Variants in EXD1 observed in about 807,000 individuals in gnomAD.
EXD1 encodes exonuclease 3'-5' domain containing 1.
A neutral mutation model predicts 49.1 loss-of-function variants in EXD1; 63 were observed. That is an observed-to-expected ratio of 1.28 (90% confidence interval 1.05 to 1.58). The LOEUF is 1.58. Ranked by LOEUF, EXD1 falls within the 40% of genes most tolerant of loss-of-function variation. EXD1 has a pLI of 0.00. For missense variants in EXD1, 748 were observed against 666.0 expected, an observed-to-expected ratio of 1.12 and a Z score of -1.36; for synonymous variants, 234 against 239.2, an observed-to-expected ratio of 0.98 and a Z score of 0.20.
intron 7 of EXD1, among the ~76,000 whole-genome samples, chr15:41,204,353 C>A (rs2046789118): frequency 6.6e-6 from 1 of 151,720 alleles, no homozygotes; most frequent in Admixed American, 6.6e-5. Flanking sequence ...GAGTTCAAGA[C>A]CAGCCTGGCC....
chr15:41,223,586 GCA>G (rs931846830), intron 2 of EXD1, among the ~76,000 whole-genome samples: 2 of 151,922 alleles, frequency 1.3e-5, no homozygotes. Flanking sequence ...AATAGGCCTG[GCA>G]CATTGGCTCA....
At chr15:41,199,741 C>G (rs12902166) in intron 7 of EXD1, among the ~76,000 whole-genome samples, 13,413 of 32,620 alleles carry the variant, frequency 0.41, 2,132 homozygotes, top group East Asian at 0.61. Context: ...ATATATATGT[C>G]ATATATTATA....
intron 1 of EXD1, among the ~76,000 whole-genome samples, chr15:41,229,423 C>T (rs1168142087): frequency 2.0e-5 from 3 of 151,630 alleles, no homozygotes; most frequent in Admixed American, 1.3e-4. Flanking sequence ...TGCAGTGAGC[C>T]GAAAATGCAC....
At chr15:41,226,815 A>AT (rs1334870065) in intron 1 of EXD1, among the ~76,000 whole-genome samples, 187 bp from the exon 2 acceptor site, 1 of 152,222 alleles carries the variant, frequency 6.6e-6, no homozygotes, top group African/African-American at 2.4e-5. Context: ...ACTGAAAACT[A>AT]TAAGAAATTG....
rs59054803 is a variant in EXD1 at position 41,192,594 on chromosome 15, A to ATTTTTTTTTTTTTTTTTTTTTTTTTTT, written c.721-1036_721-1010dup. 2.0e-4 allele frequency among the ~76,000 whole-genome samples: 8 copies of ATTTTTTTTTTTTTTTTTTTTTTTTTTT among 40,838 alleles called. 4 individuals carry two copies. Among genetic ancestry groups the ATTTTTTTTTTTTTTTTTTTTTTTTTTT allele is most frequent in the Non-Finnish European group, 1.1e-4 (2 of 18,058 alleles). 26.8% of individuals were successfully genotyped at this position (40,838 alleles called of 152,430 possible). Reference sequence around the variant, plus strand: ...ACAGGCGTGAACCACTGCGCCAGGCATTTTTTTTTTTTTTTTTTTTTTTTT... The same window carrying ATTTTTTTTTTTTTTTTTTTTTTTTTTT: ...ACAGGCGTGAACCACTGCGCCAGGCATTTTTTTTTTTTTTTTTTTTTTTTTTTTTTTTTTTTTTTTTTTTTTTTTTTT... On this transcript the variant is annotated intron_variant, in intron 9 of 11. Coordinates refer to ENST00000458580, the MANE Select transcript of EXD1 (RefSeq NM_001286441.2).
At chr15:41,199,108 C>T (rs570660924) in intron 7 of EXD1, among the ~76,000 whole-genome samples, 6 of 152,138 alleles carry the variant, frequency 3.9e-5, no homozygotes, top group African/African-American at 1.4e-4. Context: ...TACAGGTGCA[C>T]GCCAACACAC....
At position 41,226,471 on chromosome 15, in the gene EXD1, G is replaced by A. The variant is rs1317685657; in HGVS notation, c.105C>T (p.Asp35=). 1 of 1,535,974 alleles carries A rather than the reference G, an allele frequency of 6.5e-7. No individual in the cohort carries two copies. The highest frequency in any genetic ancestry group is 2.0e-5 in the Admixed American group (1 of 50,952). The change falls in exon 2 of 12, where the codon GAC becomes GAT. Residue 35 remains aspartate, a synonymous_variant. Coordinates refer to ENST00000458580, the MANE Select transcript of EXD1 (RefSeq NM_001286441.2). ...GVFEGVLQHV[D]PNKIVVLKKV... is the part of the protein sequence containing the mutation. ...TCTTCAGGACAACAATCTTATTAGG[G>A]TCAACATGCTGAAGCACACCCTCGA... is the stretch of plus-strand genomic sequence containing the variant.
At chr15:41,191,664 A>T in intron 9 of EXD1, 79 bp from the exon 10 acceptor site, 10 of 1,348,542 alleles carry the variant, frequency 7.4e-6, no homozygotes, top group Non-Finnish European at 1.0e-5. Context: ...TATTTAGAGA[A>T]ATGTCTAAAT....
In EXD1 at chr15:41,183,849, T is replaced by G; in HGVS notation, c.*82A>C. 344 of 1,373,944 alleles carry G rather than the reference T, an allele frequency of 2.5e-4. No homozygotes were observed. The highest frequency in any genetic ancestry group is 3.1e-4 in the Non-Finnish European group (313 of 1,010,756). The allele number at this position is 1,373,944 out of a possible 1,614,324, so 85.1% of individuals were successfully genotyped here. A position where few individuals can be genotyped will look rare whatever the true frequency, so the allele number is the denominator to read the frequency against. On this transcript the variant is annotated 3_prime_UTR_variant, in exon 12 of 12. Transcript: ENST00000458580. ...CTGAAGCATTACTACATTTACAACATGAGAAACCTGGGCACTGTGGAAAGC... is the reference window on the plus strand; with the variant it reads ...CTGAAGCATTACTACATTTACAACAGGAGAAACCTGGGCACTGTGGAAAGC...
chr15:41,199,189 C>CCT (rs990893587), intron 7 of EXD1, among the ~76,000 whole-genome samples: 1 of 151,960 alleles, frequency 6.6e-6, no homozygotes. Flanking sequence ...GAACTCCTGA[C>CCT]CTCAGGTGAT....
intron 2 of EXD1, among the ~76,000 whole-genome samples, chr15:41,221,803 T>C (rs1322674264): frequency 1.3e-5 from 2 of 151,996 alleles, no homozygotes; most frequent in East Asian, 3.9e-4. Context: ...TATTTTCAAC[T>C]AAGAACAGAC....
At chr15:41,217,606 CT>C (rs1174811036) in intron 3 of EXD1, among the ~76,000 whole-genome samples, 1 of 149,216 alleles carries the variant, frequency 6.7e-6, no homozygotes, top group Admixed American at 6.7e-5. Flanking sequence ...CCTCAGCTCA[CT>C]GTAACCTCCG....
intron 9 of EXD1, among the ~76,000 whole-genome samples, chr15:41,192,963 A>AT (rs1486452123): frequency 6.6e-6 from 1 of 151,582 alleles, no homozygotes; most frequent in East Asian, 2.0e-4. Flanking sequence ...CGCCCAGCTA[A>AT]TTTTTTGTAT....
intron 6 of EXD1, among the ~76,000 whole-genome samples, chr15:41,214,342 C>G (rs2046967900): frequency 6.6e-6 from 1 of 151,836 alleles, no homozygotes; most frequent in Admixed American, 6.6e-5. Flanking sequence ...AAAACCCCAT[C>G]TCTACTACTA....
chr15:41,214,392 A>G (rs1176472177), intron 6 of EXD1, among the ~76,000 whole-genome samples: 1 of 151,776 alleles, frequency 6.6e-6, no homozygotes, highest in Non-Finnish European at 1.5e-5. Flanking sequence ...GCATGCCTGT[A>G]ATACCAGCTA....
chr15:41,185,524 T>G (rs1013145904), intron 11 of EXD1, among the ~76,000 whole-genome samples: 7 of 151,284 alleles, frequency 4.6e-5, no homozygotes, highest in African/African-American at 1.5e-4. Flanking sequence ...TTTTGTGGGG[T>G]TTTTTTTGAG....
chr15:41,194,356 C>T (rs558584231), intron 9 of EXD1, among the ~76,000 whole-genome samples: 1 of 151,992 alleles, frequency 6.6e-6, no homozygotes, highest in Non-Finnish European at 1.5e-5. Context: ...GATTTTACTA[C>T]AGTCAGAGGA....
intron 2 of EXD1, among the ~76,000 whole-genome samples, chr15:41,222,571 G>A (rs1357498561): frequency 6.6e-6 from 1 of 151,902 alleles, no homozygotes; most frequent in Admixed American, 6.6e-5. Context: ...TTCTATCAGA[G>A]AGGATCTCAC....
At chr15:41,194,529 T>C (rs542597666) in intron 9 of EXD1, among the ~76,000 whole-genome samples, 5 of 152,302 alleles carry the variant, frequency 3.3e-5, no homozygotes, top group African/African-American at 9.6e-5. Context: ...GCAAGACACC[T>C]TGACTTTAGC....
Sources: allele counts gnomAD v4.1 joint callset (sites outside exome capture counted in the v4.1 genomes callset), GRCh38; gene constraint gnomAD v4.1.1; transcripts MANE v1.5; gene names NCBI Gene and HGNC (gene_info 2026-07-23, HGNC 2026-07-21).